Variants in BFSP1 observed in about 807,000 individuals in gnomAD.
BFSP1 encodes beaded filament structural protein 1, also known as filensin.
Under a neutral mutation model 43.9 loss-of-function variants are expected in BFSP1, and 38 were observed. The ratio of observed to expected loss-of-function variants is 0.87; its 90% CI spans 0.67 to 1.14. The LOEUF (loss-of-function observed/expected upper bound fraction) is 1.14. Among genes scored for constraint, BFSP1 ranks in the 50% most tolerant of loss-of-function variants. The pLI is 0.00. For synonymous variants in BFSP1, 352 were observed against 354.8 expected (o/e 0.99, Z 0.09); for missense variants, 850 against 875.1 (o/e 0.97, Z 0.36).
Position 17,494,988 on chromosome 20 carries a change from T to G in BFSP1, c.1084A>C (p.Arg362=). Residue 362 remains arginine (R), a synonymous_variant, in exon 8 of 8, where the codon AGA becomes CGA. Coordinates refer to ENST00000377873, the MANE Select transcript of BFSP1 (RefSeq NM_001195.5). Reference sequence around the variant, plus strand: ...ACATTCTTGGGGAGGGCTTTTTGTCTTGGTTTTGCTGCTGTTATATCCTGC... The same window carrying G: ...ACATTCTTGGGGAGGGCTTTTTGTCGTGGTTTTGCTGCTGTTATATCCTGC... ...ALQDITAAKP[R]QKALPKNVPR... is the part of the protein sequence containing the mutation. The G allele has an allele frequency of 6.2e-7, 1 of 1,613,926 alleles. No homozygotes were observed. Among genetic ancestry groups the G allele is most frequent in the South Asian group, 1.1e-5 (1 of 91,076 alleles).
At chr20:17,498,184 G>A (rs971652940) in intron 6 of BFSP1, among the ~76,000 whole-genome samples, 3 of 152,322 alleles carry the variant, frequency 2.0e-5, no homozygotes, top group Non-Finnish European at 2.9e-5. Flanking sequence ...CTGAAGTGAA[G>A]AATCACAAAT....
chr20:17,504,922 GTTTTTGTT>G (rs2033895942), intron 5 of BFSP1, among the ~76,000 whole-genome samples: 1 of 81,136 alleles, frequency 1.2e-5, no homozygotes, highest in Non-Finnish European at 2.8e-5. Flanking sequence ...TTTTGTTTTT[GTTTTTGTT>G]TTTGTTTTGT....
Position 17,524,909 on chromosome 20 carries a change from C to T in BFSP1, c.378-1G>A. On this transcript the variant is annotated splice_acceptor_variant, in intron 1 of 7. Coordinates refer to ENST00000377873, the MANE Select transcript of BFSP1 (RefSeq NM_001195.5). LOFTEE classifies it high-confidence loss of function. ...TTGACATTCGCACTCATTTTCATAC[C>T]TGCAAATTGGACACATAAGTGAGAG... The T allele has an allele frequency of 6.2e-7, 1 of 1,613,610 alleles. No individual in the cohort carries two copies. The highest frequency in any genetic ancestry group is 8.5e-7 in the Non-Finnish European group (1 of 1,179,538).
At chr20:17,557,562 C>A (rs956111543) in intron 1 of BFSP1, among the ~76,000 whole-genome samples, 1 of 152,210 alleles carries the variant, frequency 6.6e-6, no homozygotes. Context: ...GGGTTGCCGG[C>A]ATGACCCAGC....
At chr20:17,510,192 C>T (rs1447979228) in intron 4 of BFSP1, among the ~76,000 whole-genome samples, 2 of 152,202 alleles carry the variant, frequency 1.3e-5, no homozygotes, top group Non-Finnish European at 2.9e-5. Flanking sequence ...GATTCTGCCT[C>T]AGTGGGTCTG....
Position 17,525,756 on chromosome 20 carries a change from G to C in BFSP1, c.378-848C>G, listed in dbSNP as rs1352960594. ...CCATTCTTGCTGTCTTCAGGAGTTA[G>C]AGCCCTTGATGCTTGGCAAGCACAG... is the stretch of plus-strand genomic sequence containing the variant. On this transcript the variant is annotated intron_variant, in intron 1 of 7. Transcript: ENST00000377873. The surrounding 1 kb of genome is among the most constrained non-coding windows in gnomAD (Gnocchi z 4.2). Among the ~76,000 whole-genome samples the C allele has an allele frequency of 6.6e-6, 1 of 152,146 alleles. No homozygotes were observed. Among genetic ancestry groups the C allele is most frequent in the Non-Finnish European group, 1.5e-5 (1 of 68,014 alleles).
upstream of BFSP1, chr20:17,531,454 G>A (rs1399699325): frequency 8.4e-7 from 1 of 1,191,774 alleles, no homozygotes; most frequent in South Asian, 3.7e-5. Flanking sequence ...TTCCAGAGCC[G>A]ATCAGCAGTT....
chr20:17,518,901 C>G (rs143019776), intron 2 of BFSP1, among the ~76,000 whole-genome samples: 360 of 152,270 alleles, frequency 2.4e-3, no homozygotes, highest in African/African-American at 8.4e-3. Flanking sequence ...CTGGACCACA[C>G]GATGTGAAGG....
chr20:17,495,649 A>AT (rs1397220165), intron 7 of BFSP1, among the ~76,000 whole-genome samples: 6 of 152,226 alleles, frequency 3.9e-5, no homozygotes, highest in African/African-American at 1.4e-4. Flanking sequence ...ATGCTATGAA[A>AT]TTCAGAAATG....
intron 1 of BFSP1, among the ~76,000 whole-genome samples, chr20:17,549,777 A>C (rs950825147): frequency 6.6e-6 from 1 of 152,238 alleles, no homozygotes; most frequent in Non-Finnish European, 1.5e-5. Flanking sequence ...CAGAAGTTGC[A>C]GTAAGCCAAG....
At chr20:17,506,362 C>G (rs7270359) in intron 5 of BFSP1, among the ~76,000 whole-genome samples, 27,347 of 152,032 alleles carry the variant, frequency 0.18, 2,629 homozygotes, top group Middle Eastern at 0.28. Flanking sequence ...TGCGATGACA[C>G]GGGTGCTGGT....
At chr20:17,565,602 A>G (rs2035109804) in intron 1 of BFSP1, 1 of 152,230 alleles carries the variant, frequency 6.6e-6, no homozygotes, top group Non-Finnish European at 1.5e-5. Flanking sequence ...ACATAAAACC[A>G]TTACACAGAA....
chr20:17,506,871 AT>A, intron 5 of BFSP1: 1 of 151,956 alleles, frequency 6.6e-6, no homozygotes, highest in Non-Finnish European at 1.5e-5. Flanking sequence ...CTTTACCATC[AT>A]TTTTCTGAGA....
chr20:17,494,583 C>T lies in BFSP1; in HGVS notation c.1489G>A (p.Val497Ile), dbSNP rs139511754. 23 of 1,614,234 alleles carry T rather than the reference C, an allele frequency of 1.4e-5. No homozygotes were observed. Among genetic ancestry groups the T allele is most frequent in the Non-Finnish European group, 1.9e-5 (23 of 1,180,040 alleles). The change falls in exon 8 of 8, where the codon GTT becomes ATT. Residue 497 changes from valine to isoleucine, a missense_variant. Physicochemically the swap from Val to Ile is conservative, Grantham distance 29. Coordinates refer to ENST00000377873, the MANE Select transcript of BFSP1 (RefSeq NM_001195.5). Reference protein sequence around the residue: ...SSITAKGGVAVSVAEDSVLYD... With the variant: ...SSITAKGGVAISVAEDSVLYD... ...AGCACAGAGTCTTCCGCAACAGAAA[C>T]AGCCACCCCACCTTTAGCTGTGATG...
At chr20:17,535,984 C>T (rs1019783555), upstream of BFSP1, among the ~76,000 whole-genome samples, 3 of 151,808 alleles carry the variant, frequency 2.0e-5, no homozygotes, top group African/African-American at 7.3e-5. Context: ...GCTATGTTAC[C>T]CACACTGGTC....
At chr20:17,503,101 G>C (rs2033842158) in intron 5 of BFSP1, among the ~76,000 whole-genome samples, 1 of 152,192 alleles carries the variant, frequency 6.6e-6, no homozygotes, top group Non-Finnish European at 1.5e-5. Context: ...AGGACTCCCT[G>C]AAGCCTCCAC....
At chr20:17,539,170 G>GCAC (rs2034677403) in intron 1 of BFSP1, among the ~76,000 whole-genome samples, 1 of 136,244 alleles carries the variant, frequency 7.3e-6, no homozygotes, top group Non-Finnish European at 1.5e-5. Flanking sequence ...AAGTGCAGTG[G>GCAC]TACAATCTCA....
chr20:17,498,983 G>C lies in BFSP1; in HGVS notation c.793C>G (p.Gln265Glu). ...GTCTCAATCTGCTCGTTATAAAGCT[G>C]AATCTCATCGTCATAACACTCATGG... ...SAHECYDDEI[Q>E]LYNEQIETLR... The change falls in exon 6 of 8, where the codon CAG (glutamine) becomes GAG (glutamate). Residue 265 changes from glutamine to glutamate, a missense_variant. Physicochemically the swap from Gln to Glu is conservative, Grantham distance 29. Coordinates refer to ENST00000377873, the MANE Select transcript of BFSP1 (RefSeq NM_001195.5). 1 of 1,614,182 alleles carries C rather than the reference G, an allele frequency of 6.2e-7. No individual in the cohort carries two copies. The highest frequency in any genetic ancestry group is 1.3e-5 in the African/African-American group (1 of 75,046).
chr20:17,494,110 C>T lies in BFSP1; in HGVS notation c.1962G>A (p.Lys654=), dbSNP rs2033560752. The T allele has an allele frequency of 1.2e-6, 2 of 1,613,930 alleles. No individual in the cohort carries two copies. The highest frequency in any genetic ancestry group is 1.7e-6 in the Non-Finnish European group (2 of 1,179,932). ...TCTCTCCTGATTTCTTCTTGTCTGA[C>T]TTTGTCTTTCCAATCATGGTCTCCA... ...VIVETMIGKT[K]SDKKKSGEKS... is the part of the protein sequence containing the mutation. Residue 654 remains lysine, a synonymous_variant, in exon 8 of 8, where the codon AAG becomes AAA. Coordinates refer to ENST00000377873, the MANE Select transcript of BFSP1 (RefSeq NM_001195.5).
Sources: gnomAD v4.1 joint callset for allele counts (sites outside exome capture counted in the v4.1 genomes callset) on GRCh38, gnomAD v4.1.1 for gene constraint, Gnocchi (gnomAD v3.1) non-coding constraint, MANE v1.5 for transcripts, NCBI Gene and HGNC (gene_info 2026-07-23, HGNC 2026-07-21) for gene names.